XKR9: variants seen among roughly 807,000 people sequenced by gnomAD.
XKR9 encodes the protein XK related 9, also known as XK-related protein 9.
XKR9 carries 32 observed loss-of-function variants against 32.0 expected under a neutral mutation model. The observed-to-expected ratio is 1.00, with a 90% confidence interval of 0.76 to 1.34. The LOEUF is 1.34. Among genes scored for constraint, XKR9 ranks in the 40% most tolerant of loss-of-function variants. The pLI is 0.00. For synonymous variants in XKR9, 168 were observed against 143.4 expected, an observed-to-expected ratio of 1.17 and a Z score of -1.22; for missense variants, 546 against 429.7, an observed-to-expected ratio of 1.27 and a Z score of -2.39.
the XKR9 span, among the ~76,000 whole-genome samples, chr8:70,913,053 C>T: frequency 6.6e-6 from 1 of 152,058 alleles, no homozygotes; most frequent in Non-Finnish European, 1.5e-5. Flanking sequence ...ATCAAAATGG[C>T]CCATGGCTGT....
the XKR9 span, among the ~76,000 whole-genome samples, chr8:70,956,128 T>C: frequency 9.2e-5 from 14 of 152,158 alleles, no homozygotes; most frequent in Admixed American, 4.6e-4. Flanking sequence ...TCAGCCTTGT[T>C]TGCGTTACAA....
At chr8:71,052,547 T>C in the XKR9 span, among the ~76,000 whole-genome samples, 1 of 152,124 alleles carries the variant, frequency 6.6e-6, no homozygotes, top group Admixed American at 6.5e-5. Context: ...CATTAGCCCA[T>C]AGGAGGCATG....
chr8:70,787,282 T>G (rs10504481), intron 2 of XKR9, among the ~76,000 whole-genome samples: 61,366 of 151,978 alleles, frequency 0.4, 13,935 homozygotes, highest in Non-Finnish European at 0.52. Context: ...CCTGTTTGAA[T>G]TTTTAAATAT....
chr8:71,051,738 A>C, the XKR9 span, among the ~76,000 whole-genome samples: 22 of 152,374 alleles, frequency 1.4e-4, no homozygotes, highest in South Asian at 2.7e-3. Context: ...CAAAGGCGAT[A>C]ATAGAAACAG....
the XKR9 span, among the ~76,000 whole-genome samples, chr8:71,020,525 T>C: frequency 1.3e-5 from 2 of 152,210 alleles, no homozygotes; most frequent in Non-Finnish European, 2.9e-5. Flanking sequence ...GTTTATTGTA[T>C]AGGTCTGCAC....
chr8:70,901,074 T>A, the XKR9 span, among the ~76,000 whole-genome samples: 3 of 152,328 alleles, frequency 2.0e-5, no homozygotes. Context: ...GACCTTTGCG[T>A]TGGTTCCAAG....
At chr8:70,853,815 A>G in the XKR9 span, among the ~76,000 whole-genome samples, 2 of 152,124 alleles carry the variant, frequency 1.3e-5, no homozygotes, top group Non-Finnish European at 2.9e-5. Flanking sequence ...GCTGAGAATG[A>G]TGGTTTCCAG....
At chr8:70,826,173 A>G in the XKR9 span, among the ~76,000 whole-genome samples, 3 of 152,074 alleles carry the variant, frequency 2.0e-5, no homozygotes, top group African/African-American at 4.8e-5. Context: ...TTGTATTGCA[A>G]ATTCTCAGAT....
the XKR9 span, among the ~76,000 whole-genome samples, chr8:70,848,964 C>T: frequency 6.6e-6 from 1 of 152,088 alleles, no homozygotes; most frequent in South Asian, 2.1e-4. Flanking sequence ...TTCTTAGAGA[C>T]CTACAAAGAG....
chr8:70,775,049 TATTAA>T (rs1394540166), intron 2 of XKR9, among the ~76,000 whole-genome samples: 2 of 152,154 alleles, frequency 1.3e-5, no homozygotes, highest in African/African-American at 4.8e-5. Context: ...GTACATATTT[TATTAA>T]ATTTATCCCT....
the XKR9 span, among the ~76,000 whole-genome samples, chr8:70,974,276 G>A: frequency 6.0e-5 from 9 of 151,256 alleles, no homozygotes; most frequent in African/African-American, 1.9e-4. Context: ...AGGTTCTAGG[G>A]TACATGTGCA....
the XKR9 span, among the ~76,000 whole-genome samples, chr8:70,864,529 A>C: frequency 1.3e-5 from 2 of 152,172 alleles, no homozygotes; most frequent in African/African-American, 4.8e-5. Context: ...AAATTTCATC[A>C]TGGGTTTTTT....
chr8:70,895,244 T>G, the XKR9 span, among the ~76,000 whole-genome samples: 2 of 152,134 alleles, frequency 1.3e-5, no homozygotes, highest in Admixed American at 1.3e-4. Context: ...CAGAATTTCC[T>G]TCTGTTCTCT....
chr8:70,740,670 G>A (rs550332225), downstream of XKR9, among the ~76,000 whole-genome samples: 2,490 of 152,196 alleles, frequency 0.016, 55 homozygotes, highest in African/African-American at 0.057. Context: ...CTGTTTGTTA[G>A]TTTTCCTTCT....
At chr8:70,856,085 C>A in the XKR9 span, among the ~76,000 whole-genome samples, 3 of 152,112 alleles carry the variant, frequency 2.0e-5, no homozygotes, top group East Asian at 1.9e-4. Flanking sequence ...AGCAAAATAA[C>A]CAGCTAACAT....
chr8:70,965,850 G>A, the XKR9 span, among the ~76,000 whole-genome samples: 1 of 151,476 alleles, frequency 6.6e-6, no homozygotes, highest in Non-Finnish European at 1.5e-5. Context: ...ATCTCCTTCA[G>A]TTCAGCTCTG....
the XKR9 span, among the ~76,000 whole-genome samples, chr8:70,885,973 G>T: frequency 2.0e-5 from 3 of 152,068 alleles, no homozygotes; most frequent in Non-Finnish European, 4.4e-5. Flanking sequence ...CACGTGCCAT[G>T]GTGGTTTTCT....
At chr8:70,864,002 C>T in the XKR9 span, among the ~76,000 whole-genome samples, 1 of 152,046 alleles carries the variant, frequency 6.6e-6, no homozygotes, top group South Asian at 2.1e-4. Flanking sequence ...TATAAACAGT[C>T]ACTTGGGCAT....
the XKR9 span, among the ~76,000 whole-genome samples, chr8:70,885,278 C>T: frequency 5.9e-5 from 9 of 152,116 alleles, no homozygotes; most frequent in Non-Finnish European, 1.0e-4. Flanking sequence ...GATTAGTATT[C>T]TATTGTATGG....
Sources: gnomAD v4.1 joint callset for allele counts (sites outside exome capture counted in the v4.1 genomes callset) on GRCh38, gnomAD v4.1.1 for gene constraint, MANE v1.5 for transcripts, NCBI Gene and HGNC (gene_info 2026-07-23, HGNC 2026-07-21) for gene names.